OCEL1: variants seen among roughly 807,000 people sequenced by gnomAD.
The protein encoded by OCEL1 is occludin/ELL domain-containing protein 1.
Under a neutral mutation model 29.4 loss-of-function variants are expected in OCEL1, and 24 were observed. That is an observed-to-expected ratio of 0.82 (90% CI 0.59 to 1.15). The LOEUF is 1.15. Ranked by LOEUF, OCEL1 falls within the 50% of genes most tolerant of loss-of-function variation. OCEL1 has a pLI of 0.00. For missense variants in OCEL1, 402 were observed against 352.5 expected, an observed-to-expected ratio of 1.14 and a Z score of -1.13; for synonymous variants, 172 against 145.3, an observed-to-expected ratio of 1.18 and a Z score of -1.32.
At chr19:17,228,131 A>G in intron 4 of OCEL1, 125 bp from the exon 5 acceptor site, 6 of 1,526,304 alleles carry the variant, frequency 3.9e-6, no homozygotes, top group Non-Finnish European at 5.4e-6. Context: ...GCGCCGTGAC[A>G]CATGGCTAAG....
rs753856707 is a variant in OCEL1, at chr19:17,228,852, A to T, written c.722A>T (p.Lys241Ile). 4 of 1,613,944 alleles carry T rather than the reference A, an allele frequency of 2.5e-6. No individual in the cohort carries two copies. The highest frequency in any genetic ancestry group is 3.4e-6 in the Non-Finnish European group (4 of 1,179,964). The change falls in exon 6 of 6, where the codon AAA becomes ATA. Residue 241 changes from lysine to isoleucine, a missense_variant. Lys to Ile is a moderately radical substitution (Grantham distance 102). Transcript: ENST00000215061. The part of the protein sequence containing the change: ...KQARCHYLKG[K>I]LRHLKTQIQK... ...GCTCGCTGCCACTACCTGAAGGGTA[A>T]ACTGAGGCATCTCAAGACTCAGATC...
At chr19:17,227,496 G>T (rs1236908179) in intron 3 of OCEL1, among the ~76,000 whole-genome samples, 3 of 152,102 alleles carry the variant, frequency 2.0e-5, no homozygotes, top group African/African-American at 7.2e-5. Flanking sequence ...TTCGAGACCA[G>T]CCCGGCCAAC....
At position 17,226,294 on chromosome 19, in the gene OCEL1, C is replaced by G. The variant is rs150722930; in HGVS notation, c.47C>G (p.Ser16Trp). 4 of 1,612,196 alleles carry G rather than the reference C, an allele frequency of 2.5e-6. No individual in the cohort carries two copies. The African/African-American group carries it at 4.0e-5, about 16-fold the overall frequency. ...GCCTCTCCGACAGCAGATCCAGGCT[C>G]GGAGCTCCAGACGCTGGGACAGGTG... The part of the protein sequence containing the change: ...GSASPTADPG[S>W]ELQTLGQAAR... Residue 16 changes from serine (S) to tryptophan (W), a missense_variant, in exon 1 of 6, where the codon TCG (serine) becomes TGG (tryptophan). Transcript: ENST00000215061.
At chr19:17,226,658 C>T (rs748507673) in intron 1 of OCEL1, 35 bp from the exon 2 acceptor site, 5 of 1,432,286 alleles carry the variant, frequency 3.5e-6, no homozygotes, top group African/African-American at 1.5e-5. Context: ...CCGTGCGCGT[C>T]GTCAGGCGTG....
At chr19:17,227,755 A>G in intron 3 of OCEL1, 85 bp from the exon 4 acceptor site, 1 of 1,419,890 alleles carries the variant, frequency 7.0e-7, no homozygotes, top group Non-Finnish European at 9.7e-7. Context: ...GGGGCCCAGC[A>G]TGGACAAAGA....
At position 17,226,802 on chromosome 19, in the gene OCEL1, G is replaced by C; in HGVS notation, c.179G>C (p.Arg60Pro). Residue 60 changes from arginine to proline, a missense_variant, in exon 2 of 6, where the codon CGG becomes CCG. Physicochemically the swap from Arg to Pro is moderately radical, Grantham distance 103 (BLOSUM62 -2). Transcript: ENST00000215061. The stretch of plus-strand genomic sequence containing the variant: ...TTCTCCCGGAGGCCGATGCCCACCC[G>C]GGAGCCCCCAAAGACTCGCGGCTCC... ...SCFSRRPMPT[R>P]EPPKTRGSRG... 6.3e-7 allele frequency: 1 copy of C among 1,593,732 alleles called. No homozygotes were observed.
intron 1 of OCEL1, 84 bp downstream of exon 1, chr19:17,226,400 G>C (rs1224142538): frequency 6.7e-7 from 1 of 1,498,568 alleles, no homozygotes; most frequent in South Asian, 1.2e-5. Context: ...TCGTCTGTGG[G>C]CTCTGCGCGC....
chr19:17,227,019 T>C lies in OCEL1; in HGVS notation c.272T>C (p.Leu91Pro). Residue 91 changes from leucine to proline, a missense_variant, in exon 3 of 6, where the codon CTC (leucine) becomes CCC (proline). Transcript: ENST00000215061. ...CTGCAGGGACTGGCGCCCCGAGGCC[T>C]CAAAACCAGCGCCCCCCGCCCTCCG... ...PPLQGLAPRG[L>P]KTSAPRPPCQ... The C allele has an allele frequency of 6.3e-7, 1 of 1,591,916 alleles. No individual in the cohort carries two copies. Among genetic ancestry groups the C allele is most frequent in the Non-Finnish European group, 8.5e-7 (1 of 1,173,294 alleles).
chr19:17,227,731 G>A, intron 3 of OCEL1, 109 bp from the exon 4 acceptor site: 1 of 1,020,022 alleles, frequency 9.8e-7, no homozygotes, highest in Non-Finnish European at 1.4e-6. Flanking sequence ...GAGAGAAAAG[G>A]AACGTTTCTA....
Sources: allele counts gnomAD v4.1 joint callset (sites outside exome capture counted in the v4.1 genomes callset), GRCh38; gene constraint gnomAD v4.1.1; transcripts MANE v1.5; gene names NCBI Gene and HGNC (gene_info 2026-07-23, HGNC 2026-07-21).